Variants in TANC2 observed in about 807,000 individuals in gnomAD.
TANC2 encodes tetratricopeptide repeat, ankyrin repeat and coiled-coil containing 2.
TANC2 carries 26 observed loss-of-function variants against 210.5 expected under a neutral mutation model. The ratio of observed to expected loss-of-function variants is 0.12; its 90% CI spans 0.09 to 0.17. The LOEUF is 0.17. TANC2 is among the 10% of genes least tolerant of loss of function. The probability of loss-of-function intolerance (pLI) is 1.00; values close to 1 mark genes in which losing one functional copy is unlikely to be tolerated. For synonymous variants in TANC2, 931 were observed against 967.1 expected (o/e 0.96, Z 0.69); for missense variants, 2,129 against 2,608.9 (o/e 0.82, Z 4.01).
chr17:63,411,950 C>A, intron 22 of TANC2, 48 bp from the exon 23 acceptor site: 1 of 1,608,678 alleles, frequency 6.2e-7, no homozygotes, highest in Non-Finnish European at 8.5e-7. Context: ...TGGAACAGTG[C>A]TGAGCCATTA....
At chr17:63,006,143 G>C (rs984268430) in intron 1 of TANC2, among the ~76,000 whole-genome samples, 4 of 152,040 alleles carry the variant, frequency 2.6e-5, no homozygotes, top group African/African-American at 9.6e-5. Flanking sequence ...TTTCATTTCT[G>C]ATATTGGTGA....
intron 5 of TANC2, among the ~76,000 whole-genome samples, chr17:63,183,415 T>G (rs568478032): frequency 1.2e-4 from 19 of 152,380 alleles, no homozygotes; most frequent in Non-Finnish European, 2.1e-4. Flanking sequence ...GTAATACATT[T>G]CTAGTTTAAT....
chr17:63,282,305 A>C (rs2044082459), intron 9 of TANC2, among the ~76,000 whole-genome samples: 1 of 152,212 alleles, frequency 6.6e-6, no homozygotes, highest in Admixed American at 6.5e-5. Context: ...ATCACTACAC[A>C]TTCTACAGAC....
chr17:63,321,562 G>A (rs937518272), intron 11 of TANC2, among the ~76,000 whole-genome samples: 6 of 152,114 alleles, frequency 3.9e-5, no homozygotes, highest in African/African-American at 1.4e-4. Context: ...GTATTCCTAA[G>A]TTTTTTTCCT....
chr17:63,279,562 G>C (rs1308021104), intron 9 of TANC2, among the ~76,000 whole-genome samples: 1 of 152,056 alleles, frequency 6.6e-6, no homozygotes, highest in Non-Finnish European at 1.5e-5. Context: ...GAGTGTAGCT[G>C]ATCTAGTAAA....
chr17:63,271,568 G>A (rs1432397623), intron 9 of TANC2, among the ~76,000 whole-genome samples: 10 of 151,386 alleles, frequency 6.6e-5, no homozygotes, highest in East Asian at 1.9e-4. Flanking sequence ...TTTAAGCCCC[G>A]CATGGATTAG....
intron 7 of TANC2, among the ~76,000 whole-genome samples, chr17:63,233,879 G>C (rs1567838660): frequency 6.6e-6 from 1 of 152,194 alleles, no homozygotes; most frequent in Non-Finnish European, 1.5e-5. Context: ...GTCGACAAGA[G>C]TATTCTCTAG....
At chr17:63,038,210 T>A (rs78618519) in intron 2 of TANC2, among the ~76,000 whole-genome samples, 6,040 of 152,266 alleles carry the variant, frequency 0.04, 183 homozygotes, top group Non-Finnish European at 0.055. Flanking sequence ...GTATTCCTAG[T>A]TTTCTAGTTT....
chr17:63,291,280 A>G (rs954717248), intron 9 of TANC2, among the ~76,000 whole-genome samples: 3 of 152,190 alleles, frequency 2.0e-5, no homozygotes, highest in South Asian at 2.1e-4. Flanking sequence ...CTTTTATTAT[A>G]TAGTACAGAG....
chr17:63,007,650 A>T (rs1449231814), intron 1 of TANC2, among the ~76,000 whole-genome samples: 2 of 152,172 alleles, frequency 1.3e-5, no homozygotes, highest in Non-Finnish European at 2.9e-5. Context: ...ATTGAAGTCT[A>T]ACATGAATTA....
At chr17:63,180,929 C>T (rs892866276) in intron 5 of TANC2, among the ~76,000 whole-genome samples, 1 of 135,340 alleles carries the variant, frequency 7.4e-6, no homozygotes, top group African/African-American at 2.8e-5. Context: ...GAGGCTGAGG[C>T]GGGAGAGTTG....
exon 6 of TANC2, chr17:63,194,130 T>C (rs1363824211): frequency 6.2e-7 from 1 of 1,612,634 alleles, no homozygotes; most frequent in Non-Finnish European, 8.5e-7. Context: ...AAGTACAGGA[T>C]GAAAATCAGG....
intron 2 of TANC2, among the ~76,000 whole-genome samples, chr17:63,046,448 C>T (rs1464863521): frequency 6.7e-6 from 1 of 150,088 alleles, no homozygotes; most frequent in Non-Finnish European, 1.5e-5. Context: ...TCTCCTGCTG[C>T]AGCCTCCCGA....
intron 5 of TANC2, among the ~76,000 whole-genome samples, chr17:63,162,309 A>AC (rs1230692281): frequency 6.6e-6 from 1 of 151,868 alleles, no homozygotes; most frequent in African/African-American, 2.4e-5. Context: ...TCTGGAAAAA[A>AC]AAAAAACAAA....
At chr17:63,078,792 T>C (rs1054550894) in intron 3 of TANC2, among the ~76,000 whole-genome samples, 5 of 152,176 alleles carry the variant, frequency 3.3e-5, no homozygotes, top group Admixed American at 1.3e-4. Flanking sequence ...TGTTAAGACT[T>C]GTTTTATGGC....
intron 7 of TANC2, among the ~76,000 whole-genome samples, chr17:63,216,450 C>T (rs2145902091): frequency 6.6e-6 from 1 of 152,256 alleles, no homozygotes; most frequent in African/African-American, 2.4e-5. Flanking sequence ...AAAGTGCATT[C>T]CTGAGTCCTG....
chr17:62,975,369 C>T (rs902337099), intron 1 of TANC2, among the ~76,000 whole-genome samples: 1 of 152,042 alleles, frequency 6.6e-6, no homozygotes, highest in Non-Finnish European at 1.5e-5. Flanking sequence ...TATTTCTGTT[C>T]AAATTCCATG....
chr17:63,158,433 G>A (rs182663686), intron 5 of TANC2, among the ~76,000 whole-genome samples: 89 of 152,262 alleles, frequency 5.8e-4, no homozygotes, highest in Non-Finnish European at 1.0e-3. Context: ...TTCCTGCAGC[G>A]CAGTGTTCAG....
At chr17:63,124,102 T>C (rs1296427975) in intron 4 of TANC2, among the ~76,000 whole-genome samples, 1 of 152,190 alleles carries the variant, frequency 6.6e-6, no homozygotes, top group Non-Finnish European at 1.5e-5. Flanking sequence ...ATTTTGTCTT[T>C]TCGTTGGCAC....
Sources: allele counts gnomAD v4.1 joint callset (sites outside exome capture counted in the v4.1 genomes callset), GRCh38; gene constraint gnomAD v4.1.1; transcripts MANE v1.5; gene names NCBI Gene and HGNC (gene_info 2026-07-23, HGNC 2026-07-21).